The following NOL10 variants were observed in gnomAD, a reference collection of about 807,000 sequenced individuals.
NOL10 encodes the protein H_NH0074G24.1.
Under a neutral mutation model 103.5 loss-of-function variants are expected in NOL10, and 58 were observed. That is an observed-to-expected ratio of 0.56 (90% CI 0.45 to 0.70). The LOEUF is 0.70. Ranked by LOEUF, NOL10 falls within the 30% of genes least tolerant of loss-of-function variation. The pLI is 0.00. For synonymous variants in NOL10, 287 were observed against 282.5 expected (o/e 1.02, Z -0.16); for missense variants, 763 against 807.3 (o/e 0.95, Z 0.67).
intron 13 of NOL10, among the ~76,000 whole-genome samples, chr2:10,618,238 G>GT (rs1553302180): frequency 5.4e-5 from 7 of 130,394 alleles, no homozygotes; most frequent in Middle Eastern, 4.0e-3. Context: ...TTAAAAAGCT[G>GT]TTTTTTTAAA....
chr2:10,664,541 G>C (rs993217614), intron 8 of NOL10, among the ~76,000 whole-genome samples: 4 of 152,164 alleles, frequency 2.6e-5, no homozygotes, highest in Non-Finnish European at 4.4e-5. Context: ...TTAAATGAGG[G>C]GTCGTTGTTT....
At chr2:10,618,511 T>C (rs1676958198) in intron 13 of NOL10, among the ~76,000 whole-genome samples, 1 of 152,256 alleles carries the variant, frequency 6.6e-6, no homozygotes, top group Non-Finnish European at 1.5e-5. Context: ...CATAAGCGAT[T>C]GGCTCTGTAT....
chr2:10,670,704 C>T (rs553027617), intron 6 of NOL10, among the ~76,000 whole-genome samples: 38 of 152,242 alleles, frequency 2.5e-4, no homozygotes, highest in African/African-American at 8.2e-4. Flanking sequence ...CACTGCACTG[C>T]AGCCTGGGTG....
intron 3 of NOL10, among the ~76,000 whole-genome samples, chr2:10,679,492 CA>C (rs1206514078): frequency 2.0e-5 from 3 of 151,788 alleles, no homozygotes; most frequent in Admixed American, 2.0e-4. Flanking sequence ...AACCCTGTCT[CA>C]AAAAAAATAA....
At chr2:10,606,663 T>G (rs150657022) in intron 14 of NOL10, among the ~76,000 whole-genome samples, 1 of 151,226 alleles carries the variant, frequency 6.6e-6, no homozygotes, top group Non-Finnish European at 1.5e-5. Flanking sequence ...ATCTCATAAG[T>G]ATTTGCTGTT....
chr2:10,686,052 C>T (rs1159008708), intron 1 of NOL10, among the ~76,000 whole-genome samples: 1 of 151,306 alleles, frequency 6.6e-6, no homozygotes, highest in African/African-American at 2.4e-5. Flanking sequence ...ACAGAGTAAA[C>T]CTGTTTCAAA....
chr2:10,689,178 C>A (rs959182024), intron 1 of NOL10, among the ~76,000 whole-genome samples: 2 of 152,184 alleles, frequency 1.3e-5, no homozygotes, highest in African/African-American at 4.8e-5. Flanking sequence ...CTTGCTGGAT[C>A]TCAGCTGCAT....
intron 13 of NOL10, among the ~76,000 whole-genome samples, chr2:10,611,896 C>G (rs1303716014): frequency 6.6e-6 from 1 of 152,078 alleles, no homozygotes; most frequent in Non-Finnish European, 1.5e-5. Flanking sequence ...GCCTGGGTGA[C>G]AGAATTAGAC....
intron 2 of NOL10, among the ~76,000 whole-genome samples, 156 bp downstream of exon 2, chr2:10,684,411 T>C (rs1229959239): frequency 1.3e-5 from 2 of 151,990 alleles, no homozygotes; most frequent in Non-Finnish European, 1.5e-5. Context: ...TGAGACCCCA[T>C]GTCAAAGGAA....
intron 13 of NOL10, among the ~76,000 whole-genome samples, chr2:10,624,178 CT>C (rs764280554): frequency 0.018 from 2,576 of 139,798 alleles, 66 homozygotes; most frequent in African/African-American, 0.055. Flanking sequence ...TTTTTCTTTT[CT>C]TTTTTTTTTT....
intron 5 of NOL10, among the ~76,000 whole-genome samples, chr2:10,672,809 C>T (rs941636893): frequency 3.9e-5 from 6 of 152,060 alleles, no homozygotes; most frequent in African/African-American, 1.4e-4. Context: ...CCTGGCCAAC[C>T]TGGTAAAACC....
chr2:10,616,217 ATTTTTTTTTTTTT>A (rs533351651), intron 13 of NOL10, among the ~76,000 whole-genome samples: 19 of 95,614 alleles, frequency 2.0e-4, no homozygotes, highest in Admixed American at 1.1e-3. Flanking sequence ...ACCACCCTGC[ATTTTTTTTTTTTT>A]TTTTTTTTTT....
chr2:10,682,606 C>A (rs752197077), intron 2 of NOL10, among the ~76,000 whole-genome samples: 5 of 151,840 alleles, frequency 3.3e-5, no homozygotes, highest in Non-Finnish European at 4.4e-5. Context: ...CGCCACGTTG[C>A]CCAGGCTGGT....
intron 13 of NOL10, among the ~76,000 whole-genome samples, chr2:10,613,751 G>A (rs1676692141): frequency 1.3e-5 from 2 of 152,048 alleles, no homozygotes; most frequent in South Asian, 4.2e-4. Flanking sequence ...ACAGCAACAG[G>A]GAGTTTGAAT....
Position 10,660,339 on chromosome 2 carries a change from C to T in NOL10, c.678-1089G>A, listed in dbSNP as rs183977491. 1.2e-4 allele frequency among the ~76,000 whole-genome samples: 19 copies of T among 152,110 alleles called. No homozygotes were observed. The East Asian group carries it at 3.3e-3, about 26-fold the overall frequency. On this transcript the variant is annotated intron_variant, in intron 9 of 20. Transcript: ENST00000381685. Reference sequence around the variant, plus strand: ...TTTCTTCACATATTTTTTTTGGAGACAGGGTTTCACTCCCGTCGCCCAGGC... The same window carrying T: ...TTTCTTCACATATTTTTTTTGGAGATAGGGTTTCACTCCCGTCGCCCAGGC...
chr2:10,592,058 GCA>G (rs1296128412), intron 17 of NOL10, among the ~76,000 whole-genome samples: 1 of 152,090 alleles, frequency 6.6e-6, no homozygotes, highest in Non-Finnish European at 1.5e-5. Context: ...AAAGTCTGCA[GCA>G]GCCTGATGTC....
At chr2:10,638,330 GACGTA>G (rs3061339) in intron 13 of NOL10, among the ~76,000 whole-genome samples, 8,144 of 92,310 alleles carry the variant, frequency 0.088, 276 homozygotes, top group Non-Finnish European at 0.096. Flanking sequence ...GACGTGACGT[GACGTA>G]ACGTAACGTA....
intron 19 of NOL10, among the ~76,000 whole-genome samples, chr2:10,587,941 G>A (rs1174174264): frequency 6.6e-6 from 1 of 152,124 alleles, no homozygotes; most frequent in Non-Finnish European, 1.5e-5. Flanking sequence ...CTAACACCTT[G>A]TCTATTCTGC....
rs370195081 is a variant in NOL10 at position 10,589,289 on chromosome 2, T to C, written c.1598A>G (p.Glu533Gly). 18 of 1,613,084 alleles carry C rather than the reference T, an allele frequency of 1.1e-5. No homozygotes were observed. In the African/African-American group the frequency reaches 2.4e-4, roughly 22 times the overall value. The change falls in exon 19 of 21, where the codon GAA (glutamate) becomes GGA (glycine). Residue 533 changes from glutamate (E) to glycine (G), a missense_variant and splice_region_variant. Physicochemically the swap from Glu to Gly is moderately conservative, Grantham distance 98. Coordinates refer to ENST00000381685, the MANE Select transcript of NOL10 (RefSeq NM_024894.4). ...LLEQQELREK[E>G]EEEEPEGKPS... ...TTTTCCTTCCGGCTCTTCCTCCTCT[T>C]CCTGAGAATAAAAATAGTAAGCAGC...
Sources: allele counts gnomAD v4.1 joint callset (sites outside exome capture counted in the v4.1 genomes callset), GRCh38; gene constraint gnomAD v4.1.1; transcripts MANE v1.5; gene names NCBI Gene and HGNC (gene_info 2026-07-23, HGNC 2026-07-21).